CRISP1: variants seen among roughly 807,000 people sequenced by gnomAD.
CRISP1 encodes the protein cysteine rich secretory protein 1, also known as cysteine-rich secretory protein 1.
A neutral mutation model predicts 33.1 loss-of-function variants in CRISP1; 44 were observed. The observed-to-expected ratio is 1.33, with a 90% CI of 1.05 to 1.71. CRISP1 has a LOEUF of 1.71. CRISP1 is among the 40% of genes most tolerant of loss of function. The probability of loss-of-function intolerance (pLI) is 0.00; values close to 1 mark genes in which losing one functional copy is unlikely to be tolerated. For synonymous variants in CRISP1, 103 were observed against 98.7 expected (o/e 1.04, Z -0.26); for missense variants, 390 against 301.2 (o/e 1.29, Z -2.18).
chr6:49,864,510 T>G (rs893889768), intron 1 of CRISP1, among the ~76,000 whole-genome samples: 34 of 152,082 alleles, frequency 2.2e-4, no homozygotes, highest in African/African-American at 8.2e-4. Context: ...TGTCAAATAT[T>G]TTTCCAAATG....
chr6:49,860,167 A>G (rs999444458), intron 1 of CRISP1, among the ~76,000 whole-genome samples: 1 of 152,196 alleles, frequency 6.6e-6, no homozygotes, highest in African/African-American at 2.4e-5. Context: ...CCAATGCTAT[A>G]ATAGTGGGGA....
At chr6:49,859,049 C>T (rs1463166623) in intron 1 of CRISP1, among the ~76,000 whole-genome samples, 1 of 152,038 alleles carries the variant, frequency 6.6e-6, no homozygotes, top group Admixed American at 6.6e-5. Flanking sequence ...GTGAGTGACC[C>T]CCACTGATGC....
chr6:49,854,020 T>C (rs1400851641), intron 2 of CRISP1, among the ~76,000 whole-genome samples: 1 of 152,218 alleles, frequency 6.6e-6, no homozygotes, highest in Non-Finnish European at 1.5e-5. Flanking sequence ...CTCCACATTA[T>C]TGTAGAACTT....
intron 7 of CRISP1, among the ~76,000 whole-genome samples, chr6:49,837,480 C>T (rs780316325): frequency 3.3e-5 from 5 of 151,244 alleles, no homozygotes; most frequent in Non-Finnish European, 7.4e-5. Flanking sequence ...AATCTCTCTC[C>T]ATCTACATTT....
intron 1 of CRISP1, among the ~76,000 whole-genome samples, chr6:49,875,088 T>G (rs112778785): frequency 1.3e-5 from 2 of 152,006 alleles, no homozygotes; most frequent in East Asian, 1.9e-4. Context: ...GAAAATAAAG[T>G]GTATTTAAAT....
At chr6:49,851,202 C>T (rs887417598) in intron 3 of CRISP1, among the ~76,000 whole-genome samples, 2 of 152,096 alleles carry the variant, frequency 1.3e-5, no homozygotes, top group African/African-American at 4.8e-5. Flanking sequence ...GTTTCATCCT[C>T]TTCATCATTT....
chr6:49,861,613 G>A (rs561678836), intron 1 of CRISP1, among the ~76,000 whole-genome samples: 1 of 152,258 alleles, frequency 6.6e-6, no homozygotes, highest in East Asian at 1.9e-4. Context: ...GCCAGGCACG[G>A]TAACTCACGC....
upstream of CRISP1, among the ~76,000 whole-genome samples, chr6:49,867,901 A>T (rs945437352): frequency 1.3e-5 from 2 of 152,190 alleles, no homozygotes; most frequent in Non-Finnish European, 2.9e-5. Flanking sequence ...GTAAAAAGAA[A>T]GCTGCAAAAG....
chr6:49,839,975 T>C (rs1050779844), intron 6 of CRISP1, among the ~76,000 whole-genome samples: 6 of 152,228 alleles, frequency 3.9e-5, no homozygotes, highest in Admixed American at 3.9e-4. Flanking sequence ...TTTTGTATTG[T>C]GCTACATACA....
intron 2 of CRISP1, among the ~76,000 whole-genome samples, chr6:49,856,433 TC>T (rs1466657169): frequency 6.6e-6 from 1 of 152,178 alleles, no homozygotes; most frequent in Non-Finnish European, 1.5e-5. Context: ...TATTCAGGAC[TC>T]TAATTCAGGA....
upstream of CRISP1, among the ~76,000 whole-genome samples, chr6:49,868,006 G>A (rs1434016283): frequency 6.6e-6 from 1 of 152,136 alleles, no homozygotes; most frequent in Non-Finnish European, 1.5e-5. Context: ...AAAGGAGAGT[G>A]TTGATTCAAC....
chr6:49,868,147 A>C (rs976802812), upstream of CRISP1, among the ~76,000 whole-genome samples: 1 of 152,162 alleles, frequency 6.6e-6, no homozygotes. Flanking sequence ...TAGAGTTGCT[A>C]TCCAGCTTCA....
chr6:49,866,607 T>C (rs1217580347), upstream of CRISP1: 2 of 152,116 alleles, frequency 1.3e-5, no homozygotes, highest in African/African-American at 2.4e-5. Flanking sequence ...CATGAATACA[T>C]GATAATCAGA....
At chr6:49,860,673 A>G (rs1771622990) in intron 1 of CRISP1, among the ~76,000 whole-genome samples, 1 of 152,168 alleles carries the variant, frequency 6.6e-6, no homozygotes, top group African/African-American at 2.4e-5. Context: ...CAAAAGAAAG[A>G]TTTTAAATAA....
intron 7 of CRISP1, 62 bp from the exon 8 acceptor site, chr6:49,835,505 G>C (rs552337431): frequency 2.0e-6 from 3 of 1,530,972 alleles, no homozygotes; most frequent in East Asian, 2.3e-5. Context: ...GCTGAGGAAA[G>C]AGACCATCTT....
chr6:49,860,996 G>T (rs1771634924), intron 1 of CRISP1, among the ~76,000 whole-genome samples: 1 of 151,958 alleles, frequency 6.6e-6, no homozygotes. Context: ...AAATTTTAGA[G>T]AAAATGAATA....
upstream of CRISP1, among the ~76,000 whole-genome samples, chr6:49,870,871 C>T (rs1052529054): frequency 3.3e-5 from 5 of 151,920 alleles, no homozygotes; most frequent in East Asian, 3.9e-4. Flanking sequence ...CCGAGGTGGG[C>T]GGATGACCTG....
chr6:49,849,551 C>T (rs189899054), intron 3 of CRISP1, among the ~76,000 whole-genome samples: 16 of 152,222 alleles, frequency 1.1e-4, no homozygotes, highest in Admixed American at 9.8e-4. Context: ...TTGGCTGAAC[C>T]CCTGGTGTTC....
At chr6:49,856,125 C>T (rs554301745) in intron 2 of CRISP1, among the ~76,000 whole-genome samples, 42 of 152,218 alleles carry the variant, frequency 2.8e-4, no homozygotes, top group African/African-American at 9.4e-4. Context: ...TTCCCTTGGA[C>T]GGGTAGGGTT....
Sources: gnomAD v4.1 joint callset for allele counts (sites outside exome capture counted in the v4.1 genomes callset) on GRCh38, gnomAD v4.1.1 for gene constraint, MANE v1.5 for transcripts, NCBI Gene and HGNC (gene_info 2026-07-23, HGNC 2026-07-21) for gene names.